ZNF181: variants seen among roughly 807,000 people sequenced by gnomAD.
The protein encoded by ZNF181 is zinc finger protein 181 (HHZ181).
ZNF181 carries 8 observed loss-of-function variants against 11.9 expected under a neutral mutation model. The observed-to-expected ratio is 0.67, with a 90% CI of 0.39 to 1.21. ZNF181 has a LOEUF of 1.21. ZNF181 is among the 50% of genes most tolerant of loss of function. The probability of loss-of-function intolerance (pLI) is 0.01; values close to 1 mark genes in which losing one functional copy is unlikely to be tolerated. For synonymous variants in ZNF181, 202 were observed against 221.1 expected, an observed-to-expected ratio of 0.91 and a Z score of 0.77; for missense variants, 542 against 670.9, an observed-to-expected ratio of 0.81 and a Z score of 2.12.
At position 34,739,319 on chromosome 19, in the gene ZNF181, C is replaced by G. The variant is rs2068934090; in HGVS notation, c.130+51C>G. On this transcript the variant is annotated intron_variant, in intron 2 of 3. Transcript: ENST00000492450. ...AGTAGGGGACACCTTTCTTTTGCCA[C>G]CCTGAATTGCTGGAGACCCTCCTAA... is the stretch of plus-strand genomic sequence containing the variant. 1.9e-6 allele frequency: 3 copies of G among 1,606,030 alleles called. No individual in the cohort carries two copies. The South Asian group carries it at 3.3e-5, about 18-fold the overall frequency.
At chr19:34,740,154 T>G (rs1037062492) in intron 3 of ZNF181, among the ~76,000 whole-genome samples, 6 of 152,236 alleles carry the variant, frequency 3.9e-5, no homozygotes, top group African/African-American at 1.4e-4. Context: ...AGCATTTAGA[T>G]TATTGTGTTT....
rs375773883 is a variant in ZNF181, at chr19:34,741,965, A to G, written c.1584A>G (p.Lys528=). 7 of 1,613,760 alleles carry G rather than the reference A, an allele frequency of 4.3e-6. No individual in the cohort carries two copies. Among genetic ancestry groups the G allele is most frequent in the Non-Finnish European group, 5.9e-6 (7 of 1,179,912 alleles). ...KCNECGKAFS[K]GSNLTAHQRV... ...ATGAGTGTGGGAAAGCTTTTAGCAA[A>G]GGCTCAAATCTTACTGCCCATCAAA... Residue 528 remains lysine, a synonymous_variant, in exon 4 of 4, where the codon AAA becomes AAG. Transcript: ENST00000492450.
chr19:34,738,911 ATTTG>A (rs781522681), intron 1 of ZNF181, among the ~76,000 whole-genome samples: 2 of 152,188 alleles, frequency 1.3e-5, no homozygotes, highest in South Asian at 2.1e-4. Context: ...AAGCTCTCAT[ATTTG>A]TTTCTCACCT....
At chr19:34,735,747 T>C (rs1175925295) in intron 1 of ZNF181, among the ~76,000 whole-genome samples, 1 of 152,238 alleles carries the variant, frequency 6.6e-6, no homozygotes. Context: ...CTTCTCTGCC[T>C]CCTCATTCCT....
intron 1 of ZNF181, among the ~76,000 whole-genome samples, chr19:34,737,956 C>T (rs973388831): frequency 2.6e-5 from 4 of 152,144 alleles, no homozygotes; most frequent in Non-Finnish European, 1.5e-5. Flanking sequence ...TGATTTCTAA[C>T]AGGCCACAGA....
intron 1 of ZNF181, among the ~76,000 whole-genome samples, chr19:34,737,103 TAAA>T (rs2068900298): frequency 6.6e-6 from 1 of 152,232 alleles, no homozygotes; most frequent in South Asian, 2.1e-4. Flanking sequence ...TGCTTGGCTA[TAAA>T]AAAGAGATTT....
intron 2 of ZNF181, 108 bp from the exon 3 acceptor site, chr19:34,739,415 A>G (rs2068934965): frequency 6.4e-7 from 1 of 1,569,214 alleles, no homozygotes; most frequent in African/African-American, 1.4e-5. Context: ...CCTGAAGCTT[A>G]TCTTTCCATT....
chr19:34,744,992 A>T lies in ZNF181; in HGVS notation c.*2895A>T, dbSNP rs1471913159. Reference sequence around the variant, plus strand: ...TTTCTGGATTTAAAGTGCCTTCACAATACAGAACTAGGAAAAAGAAGGCCA... The same window carrying T: ...TTTCTGGATTTAAAGTGCCTTCACATTACAGAACTAGGAAAAAGAAGGCCA... On this transcript the variant is annotated 3_prime_UTR_variant, in exon 4 of 4. Coordinates refer to ENST00000492450, the MANE Select transcript of ZNF181 (RefSeq NM_001029997.4). 6.6e-6 allele frequency: 1 copy of T among 152,226 alleles called. No homozygotes were observed. The highest frequency in any genetic ancestry group is 6.5e-5 in the Admixed American group (1 of 15,288). The allele number at this position is 152,226 out of a possible 1,614,324, so 9.4% of individuals were successfully genotyped here. A position where few individuals can be genotyped will look rare whatever the true frequency, so the allele number is the denominator to read the frequency against.
In ZNF181 at chr19:34,734,735, A is replaced by G. The variant is rs533536796; in HGVS notation, c.-303A>G. ...AGTGGTGAAGACTGAACGAGCTGATAAAGTTTTTACCATTGTTTTATGAGG... is the reference window on the plus strand; with the variant it reads ...AGTGGTGAAGACTGAACGAGCTGATGAAGTTTTTACCATTGTTTTATGAGG... On this transcript the variant is annotated 5_prime_UTR_variant, in exon 1 of 4. In the 5' UTR this introduces an upstream ATG that the reference lacks. Coordinates refer to ENST00000492450, the MANE Select transcript of ZNF181 (RefSeq NM_001029997.4). 6.5e-6 allele frequency: 3 copies of G among 461,030 alleles called. No homozygotes were observed. The highest frequency in any genetic ancestry group is 3.5e-5 in the East Asian group (1 of 28,692). The allele number at this position is 461,030 out of a possible 1,614,324, so 28.6% of individuals were successfully genotyped here. A position where few individuals can be genotyped will look rare whatever the true frequency, so the allele number is the denominator to read the frequency against.
intron 1 of ZNF181, chr19:34,736,339 T>C (rs1600138502): frequency 6.5e-6 from 4 of 614,544 alleles, no homozygotes; most frequent in Non-Finnish European, 8.7e-6. Flanking sequence ...TGAGAAAATT[T>C]CTTGAACCCT....
Position 34,742,048 on chromosome 19 carries a change from A to G in ZNF181, c.1667A>G (p.Tyr556Cys), listed in dbSNP as rs373027001. ...SVVSVEKPLD[Y>C]MNHYTCEKSY... ...GTAAGTGTGGAAAAGCCTTTAGACT[A>G]TATGAATCACTATACATGTGAGAAA... The change falls in exon 4 of 4, where the codon TAT becomes TGT. Residue 556 changes from tyrosine to cysteine, a missense_variant. By Grantham distance (194) the Tyr-to-Cys change is radical. Transcript: ENST00000492450. 15 of 1,606,854 alleles carry G rather than the reference A, an allele frequency of 9.3e-6. No homozygotes were observed. Among genetic ancestry groups the G allele is most frequent in the Non-Finnish European group, 1.3e-5 (15 of 1,176,866 alleles).
chr19:34,739,683 G>T, intron 3 of ZNF181, 62 bp downstream of exon 3: 1 of 1,567,422 alleles, frequency 6.4e-7, no homozygotes, highest in Non-Finnish European at 8.8e-7. Context: ...ACTCTTTATA[G>T]TGAGTTTATA....
chr19:34,745,171 A>G lies in ZNF181; in HGVS notation c.*3074A>G, dbSNP rs1171457272. On this transcript the variant is annotated 3_prime_UTR_variant, in exon 4 of 4. Coordinates refer to ENST00000492450, the MANE Select transcript of ZNF181 (RefSeq NM_001029997.4). ...ATTAACCATTTCTTGAGCATCCACT[A>G]TGGGCTTAATAGATAAGAAACACTC... 1 of 152,138 alleles carries G rather than the reference A, an allele frequency of 6.6e-6. No homozygotes were observed. The highest frequency in any genetic ancestry group is 2.4e-5 in the African/African-American group (1 of 41,428). 9.4% of individuals were successfully genotyped at this position (152,138 alleles called of 1,614,324 possible). A position where few individuals can be genotyped will look rare whatever the true frequency, so the allele number is the denominator to read the frequency against.
In ZNF181 at chr19:34,744,966, G is replaced by C. The variant is rs757161414; in HGVS notation, c.*2869G>C. 1 of 152,164 alleles carries C rather than the reference G, an allele frequency of 6.6e-6. No individual in the cohort carries two copies. Among genetic ancestry groups the C allele is most frequent in the African/African-American group, 2.4e-5 (1 of 41,430 alleles). The allele number at this position is 152,164 out of a possible 1,614,324, so 9.4% of individuals were successfully genotyped here. A position where few individuals can be genotyped will look rare whatever the true frequency, so the allele number is the denominator to read the frequency against. ...GGGCATACACATGATAATGCTTTAC[G>C]TTTCTGGATTTAAAGTGCCTTCACA... On this transcript the variant is annotated 3_prime_UTR_variant, in exon 4 of 4. Transcript: ENST00000492450.
intron 1 of ZNF181, among the ~76,000 whole-genome samples, chr19:34,738,363 C>A (rs1440007971): frequency 1.4e-4 from 22 of 152,114 alleles, no homozygotes; most frequent in African/African-American, 5.3e-4. Context: ...GAAGTCACTC[C>A]TAATGATGAT....
Position 34,736,347 on chromosome 19 carries a change from C to T in ZNF181, c.9+1301C>T, listed in dbSNP as rs1206420612. 8.2e-6 allele frequency: 5 copies of T among 607,790 alleles called. No homozygotes were observed. The Admixed American group carries it at 1.4e-4, about 17-fold the overall frequency. The allele number at this position is 607,790 out of a possible 1,614,324, so 37.6% of individuals were successfully genotyped here. A position where few individuals can be genotyped will look rare whatever the true frequency, so the allele number is the denominator to read the frequency against. On this transcript the variant is annotated intron_variant, in intron 1 of 3. Transcript: ENST00000492450. ...GATGAGTTGAGAAAATTTCTTGAAC[C>T]CTGTGGTGTGCGGCTGCAGTGAGCT...
rs2069019830 is a variant in ZNF181 at position 34,744,907 on chromosome 19, TCGAAATAC to T, written c.*2812_*2819del. 1 of 152,204 alleles carries T rather than the reference TCGAAATAC, an allele frequency of 6.6e-6. No individual in the cohort carries two copies. Among genetic ancestry groups the T allele is most frequent in the African/African-American group, 2.4e-5 (1 of 41,448 alleles). 9.4% of individuals were successfully genotyped at this position (152,204 alleles called of 1,614,324 possible). A position where few individuals can be genotyped will look rare whatever the true frequency, so the allele number is the denominator to read the frequency against. On this transcript the variant is annotated 3_prime_UTR_variant, in exon 4 of 4. Transcript: ENST00000492450. ...TGTCACTTTGTTATGAGAGGATTCA[TCGAAATAC>T]CTGTGCTTTGTCATTTAAAAAGCAT...
In ZNF181 at chr19:34,744,940, T is replaced by C. The variant is rs2069019993; in HGVS notation, c.*2843T>C. On this transcript the variant is annotated 3_prime_UTR_variant, in exon 4 of 4. Transcript: ENST00000492450. Reference sequence around the variant, plus strand: ...CCTGTGCTTTGTCATTTAAAAAGCATGGGCATACACATGATAATGCTTTAC... The same window carrying C: ...CCTGTGCTTTGTCATTTAAAAAGCACGGGCATACACATGATAATGCTTTAC... 1.3e-5 allele frequency: 2 copies of C among 152,196 alleles called. No homozygotes were observed. The highest frequency in any genetic ancestry group is 4.8e-5 in the African/African-American group (2 of 41,446). The allele number at this position is 152,196 out of a possible 1,614,324, so 9.4% of individuals were successfully genotyped here. A position where few individuals can be genotyped will look rare whatever the true frequency, so the allele number is the denominator to read the frequency against.
At position 34,741,862 on chromosome 19, in the gene ZNF181, G is replaced by A. The variant is rs1600146037; in HGVS notation, c.1481G>A (p.Cys494Tyr). 1.2e-6 allele frequency: 2 copies of A among 1,613,782 alleles called. No individual in the cohort carries two copies. Among genetic ancestry groups the A allele is most frequent in the African/African-American group, 1.3e-5 (1 of 74,914 alleles). ...GAGAAACCTTATGAATGTATTAAAT[G>A]TGGGAAGACCTTCAGCTGTAGTTCA... ...TGEKPYECIK[C>Y]GKTFSCSSNL... The change falls in exon 4 of 4, where the codon TGT (cysteine) becomes TAT (tyrosine). Residue 494 changes from cysteine (C) to tyrosine (Y), a missense_variant. Transcript: ENST00000492450.
Sources: allele counts gnomAD v4.1 joint callset (sites outside exome capture counted in the v4.1 genomes callset), GRCh38; gene constraint gnomAD v4.1.1; transcripts MANE v1.5; gene names NCBI Gene and HGNC (gene_info 2026-07-23, HGNC 2026-07-21).